SUMF1: variants seen among roughly 807,000 people sequenced by gnomAD.
The protein encoded by SUMF1 is formylglycine-generating enzyme.
SUMF1 carries 48 observed loss-of-function variants against 47.6 expected under a neutral mutation model. The ratio of observed to expected loss-of-function variants is 1.01; its 90% CI spans 0.80 to 1.28. The LOEUF (loss-of-function observed/expected upper bound fraction) is 1.28. Ranked by LOEUF, SUMF1 falls within the 50% of genes most tolerant of loss-of-function variation. SUMF1 has a pLI of 0.00. For missense variants in SUMF1, 571 were observed against 485.4 expected (o/e 1.18, Z -1.66); for synonymous variants, 230 against 192.1 (o/e 1.20, Z -1.63).
intron 9 of SUMF1, among the ~76,000 whole-genome samples, chr3:4,049,070 CA>C (rs1559426477): frequency 6.6e-6 from 1 of 152,122 alleles, no homozygotes; most frequent in Non-Finnish European, 1.5e-5. Flanking sequence ...ACCCATGTCA[CA>C]AAAGTGTATC....
intron 8 of SUMF1, among the ~76,000 whole-genome samples, chr3:4,241,050 G>A (rs910116500): frequency 3.3e-5 from 5 of 152,028 alleles, no homozygotes; most frequent in African/African-American, 1.2e-4. Context: ...ATTTATATCA[G>A]TAGAAAGTAA....
chr3:4,256,671 A>G (rs374006118), intron 8 of SUMF1, among the ~76,000 whole-genome samples: 56 of 152,190 alleles, frequency 3.7e-4, no homozygotes, highest in African/African-American at 9.9e-4. Flanking sequence ...ATTCACAGCC[A>G]AATTCTACCA....
Position 4,418,134 on chromosome 3 carries a change from T to C in SUMF1, c.603-2A>G. ...ACATGGAGAACTGGATGATCCGGCC[T>C]GGGGAAGAGCAAAAGTAGAATGAAA... On this transcript the variant is annotated splice_acceptor_variant, in intron 4 of 8. Transcript: ENST00000272902. LOFTEE classifies it high-confidence loss of function. The C allele has an allele frequency of 1.2e-6, 2 of 1,614,018 alleles. No homozygotes were observed. Among genetic ancestry groups the C allele is most frequent in the South Asian group, 1.1e-5 (1 of 91,074 alleles).
At chr3:4,148,551 G>A (rs1694246823) in intron 8 of SUMF1, among the ~76,000 whole-genome samples, 1 of 152,076 alleles carries the variant, frequency 6.6e-6, no homozygotes, top group African/African-American at 2.4e-5. Flanking sequence ...GTGCAGAAAT[G>A]AGCAAAGTTT....
intron 8 of SUMF1, among the ~76,000 whole-genome samples, chr3:4,165,024 G>A (rs529195147): frequency 6.6e-6 from 1 of 152,062 alleles, no homozygotes; most frequent in East Asian, 1.9e-4. Flanking sequence ...TATGAATCCA[G>A]TCCCCGTGAT....
intron 8 of SUMF1, among the ~76,000 whole-genome samples, chr3:4,086,587 T>C (rs1325031731): frequency 6.6e-6 from 1 of 152,086 alleles, no homozygotes; most frequent in Non-Finnish European, 1.5e-5. Context: ...CTTACAGGGA[T>C]GAAGATAATC....
chr3:4,045,857 T>C (rs929531673), intron 9 of SUMF1, among the ~76,000 whole-genome samples: 3 of 152,100 alleles, frequency 2.0e-5, no homozygotes, highest in Non-Finnish European at 2.9e-5. Flanking sequence ...ATGAGGTCTA[T>C]GTTCAAACAG....
rs141070262 is a variant in SUMF1, at chr3:4,205,185, A to T, written c.1015-136440T>A. Reference sequence around the variant, plus strand: ...CACCTAACTGATCAATGTACTTTGCAATCTTCCCCAACCCTTAAGAAGGTT... The same window carrying T: ...CACCTAACTGATCAATGTACTTTGCTATCTTCCCCAACCCTTAAGAAGGTT... On this transcript the variant is annotated intron_variant and NMD_transcript_variant, in intron 8 of 12. Coordinates refer to the SUMF1 transcript ENST00000448413. 2.2e-3 allele frequency among the ~76,000 whole-genome samples: 336 copies of T among 152,196 alleles called. 3 individuals are homozygous for T. Among genetic ancestry groups the T allele is most frequent in the African/African-American group, 7.9e-3 (329 of 41,540 alleles).
At chr3:4,435,684 A>T (rs530970547) in intron 3 of SUMF1, among the ~76,000 whole-genome samples, 138 of 152,354 alleles carry the variant, frequency 9.1e-4, no homozygotes, top group Middle Eastern at 6.8e-3. Context: ...GAAGTGTTTG[A>T]AATGACTGTC....
intron 8 of SUMF1, among the ~76,000 whole-genome samples, chr3:4,309,849 C>T (rs1698334728): frequency 6.6e-6 from 1 of 152,206 alleles, no homozygotes; most frequent in Non-Finnish European, 1.5e-5. Context: ...TACAATTATA[C>T]TTCAGATACA....
At chr3:4,348,422 T>C (rs887634590) in intron 8 of SUMF1, among the ~76,000 whole-genome samples, 2 of 152,004 alleles carry the variant, frequency 1.3e-5, no homozygotes, top group African/African-American at 4.8e-5. Context: ...AAACAAGCAA[T>C]AGGGAAAGGA....
chr3:4,341,256 T>C (rs753617623), intron 8 of SUMF1, among the ~76,000 whole-genome samples: 4 of 149,954 alleles, frequency 2.7e-5, no homozygotes, highest in Admixed American at 6.6e-5. Context: ...AAAAGAAAAA[T>C]AGGAGAGTTG....
At chr3:4,123,706 T>C (rs1322116352) in intron 8 of SUMF1, among the ~76,000 whole-genome samples, 3 of 152,182 alleles carry the variant, frequency 2.0e-5, no homozygotes, top group Non-Finnish European at 4.4e-5. Flanking sequence ...CCAATTTTCT[T>C]CTAACATTCC....
chr3:4,247,727 T>C (rs1010685847), intron 8 of SUMF1, among the ~76,000 whole-genome samples: 20 of 152,262 alleles, frequency 1.3e-4, no homozygotes, highest in African/African-American at 4.6e-4. Context: ...CAAGGAAGAA[T>C]AGCAGTCCAC....
At chr3:4,430,979 G>C in intron 3 of SUMF1, among the ~76,000 whole-genome samples, 1 of 152,168 alleles carries the variant, frequency 6.6e-6, no homozygotes, top group South Asian at 2.1e-4. Context: ...CAGAACCTTA[G>C]ATCTGGAAGG....
chr3:4,269,828 C>T (rs945276643), intron 8 of SUMF1, among the ~76,000 whole-genome samples: 5 of 152,128 alleles, frequency 3.3e-5, no homozygotes, highest in Non-Finnish European at 7.3e-5. Flanking sequence ...CTATTAAATT[C>T]TCATCCTTCT....
chr3:4,218,590 C>T (rs141030574), intron 8 of SUMF1, among the ~76,000 whole-genome samples: 2,804 of 152,172 alleles, frequency 0.018, 39 homozygotes, highest in Non-Finnish European at 0.022. Context: ...GGGCATTCAG[C>T]GCAGAGCAAA....
intron 3 of SUMF1, among the ~76,000 whole-genome samples, chr3:4,447,852 C>T (rs1280157549): frequency 6.6e-6 from 1 of 152,136 alleles, no homozygotes; most frequent in Admixed American, 6.5e-5. Flanking sequence ...AGCAATGACC[C>T]ACCTCTGTCT....
intron 8 of SUMF1, among the ~76,000 whole-genome samples, chr3:4,257,468 C>T (rs1316944868): frequency 6.6e-6 from 1 of 150,378 alleles, no homozygotes; most frequent in Non-Finnish European, 1.5e-5. Context: ...ACACCAACAA[C>T]AGACAAACAG....
Sources: gnomAD v4.1 joint callset for allele counts (sites outside exome capture counted in the v4.1 genomes callset) on GRCh38, gnomAD v4.1.1 for gene constraint, MANE v1.5 for transcripts, NCBI Gene and HGNC (gene_info 2026-07-23, HGNC 2026-07-21) for gene names.